Variants in PLCE1 observed in about 807,000 individuals in gnomAD.
PLCE1 encodes 1-phosphatidylinositol 4,5-bisphosphate phosphodiesterase epsilon-1.
Under a neutral mutation model 242.8 loss-of-function variants are expected in PLCE1, and 119 were observed. The observed-to-expected ratio is 0.49, with a 90% CI of 0.42 to 0.57. The LOEUF is 0.57. Among genes scored for constraint, PLCE1 ranks in the 20% least tolerant of loss-of-function variants. The pLI is 0.00. For synonymous variants in PLCE1, 945 were observed against 1,017.4 expected, an observed-to-expected ratio of 0.93 and a Z score of 1.35; for missense variants, 2,441 against 2,788.8, an observed-to-expected ratio of 0.88 and a Z score of 2.81.
At chr10:94,225,785 A>C (rs1439217369) in intron 4 of PLCE1, among the ~76,000 whole-genome samples, 2 of 152,242 alleles carry the variant, frequency 1.3e-5, no homozygotes, top group Admixed American at 1.3e-4. Flanking sequence ...ATGGGGTTGC[A>C]CTGCCCTCTG....
chr10:94,298,075 G>T lies in PLCE1; in HGVS notation c.5168-304G>T, dbSNP rs568046911. Among the ~76,000 whole-genome samples, 2 of 151,820 alleles carry T rather than the reference G, an allele frequency of 1.3e-5. No homozygotes were observed. Among genetic ancestry groups the T allele is most frequent in the Admixed American group, 1.3e-4 (2 of 15,242 alleles). On this transcript the variant is annotated intron_variant, in intron 23 of 32. Coordinates refer to ENST00000371380, the MANE Select transcript of PLCE1 (RefSeq NM_016341.4). The surrounding 1 kb of genome is among the most constrained non-coding windows in gnomAD (Gnocchi z 5.2). ...TATTTTTTTACTTTTTGTAGAGATGGGCTCTCACCATGTTGCCCAGGCTGG... is the reference window on the plus strand; with the variant it reads ...TATTTTTTTACTTTTTGTAGAGATGTGCTCTCACCATGTTGCCCAGGCTGG...
intron 7 of PLCE1, among the ~76,000 whole-genome samples, chr10:94,237,182 C>A (rs1392062908): frequency 2.0e-5 from 3 of 152,280 alleles, no homozygotes; most frequent in South Asian, 4.1e-4. Context: ...TTAAATCCTA[C>A]TGTTAAGGCT....
At chr10:94,015,285 T>G (rs2061256851) in intron 1 of PLCE1, among the ~76,000 whole-genome samples, 1 of 152,198 alleles carries the variant, frequency 6.6e-6, no homozygotes. Flanking sequence ...TCAAAGCTGC[T>G]TTATCTTAGC....
At chr10:94,198,204 C>T (rs2048885322) in intron 4 of PLCE1, among the ~76,000 whole-genome samples, 1 of 152,020 alleles carries the variant, frequency 6.6e-6, no homozygotes, top group African/African-American at 2.4e-5. Flanking sequence ...AGAGAGGGAT[C>T]AGCACTTAGG....
chr10:94,254,961 G>A lies in PLCE1; in HGVS notation c.3466G>A (p.Gly1156Arg). ...SRRAHSLTTA[G>R]SPNLAAGTSS... ...AAGAGCCCACTCTTTGACCACAGCT[G>A]GGTCCCCCAACTTGGCTGCCGGGAC... Residue 1156 changes from glycine to arginine, a missense_variant, in exon 11 of 33, where the codon GGG becomes AGG. This residue lies in a region of PLCE1 where 1,004 missense variants were observed against 1,322.7 expected (regional missense o/e 0.76). Coordinates refer to ENST00000371380, the MANE Select transcript of PLCE1 (RefSeq NM_016341.4). The A allele has an allele frequency of 6.2e-7, 1 of 1,614,052 alleles. No individual in the cohort carries two copies. Among genetic ancestry groups the A allele is most frequent in the Non-Finnish European group, 8.5e-7 (1 of 1,179,964 alleles).
chr10:94,195,751 A>G (rs1439861765), intron 4 of PLCE1, among the ~76,000 whole-genome samples: 1 of 152,168 alleles, frequency 6.6e-6, no homozygotes, highest in South Asian at 2.1e-4. Flanking sequence ...ATAACTCTGG[A>G]TATGAAATCC....
At chr10:94,037,006 A>C (rs757226721) in intron 2 of PLCE1, among the ~76,000 whole-genome samples, 6 of 152,224 alleles carry the variant, frequency 3.9e-5, no homozygotes, top group Middle Eastern at 3.2e-3. Flanking sequence ...AAAGAATAAA[A>C]ATGTAAAGAT....
chr10:94,289,330 C>T (rs1436201799), intron 22 of PLCE1, among the ~76,000 whole-genome samples: 3 of 152,204 alleles, frequency 2.0e-5, no homozygotes, highest in African/African-American at 7.2e-5. Flanking sequence ...CTCAGCTTCT[C>T]TCCTGATTTT....
intron 2 of PLCE1, among the ~76,000 whole-genome samples, chr10:94,063,131 T>G (rs1024514718): frequency 6.6e-6 from 1 of 152,156 alleles, no homozygotes; most frequent in Admixed American, 6.6e-5. Context: ...TCAGAACACC[T>G]CCTATGCTAT....
intron 28 of PLCE1, among the ~76,000 whole-genome samples, chr10:94,314,222 C>T (rs1266829843): frequency 1.3e-5 from 2 of 152,178 alleles, no homozygotes; most frequent in African/African-American, 4.8e-5. Context: ...TTCCTTTTTT[C>T]ACCACACCAG....
chr10:94,013,943 T>A (rs2061222932), intron 1 of PLCE1, among the ~76,000 whole-genome samples: 1 of 152,136 alleles, frequency 6.6e-6, no homozygotes, highest in African/African-American at 2.4e-5. Flanking sequence ...CTCTGTCCCA[T>A]GTCCATGGCC....
intron 11 of PLCE1, among the ~76,000 whole-genome samples, 189 bp from the exon 12 acceptor site, chr10:94,258,611 A>G (rs1388477609): frequency 6.6e-6 from 1 of 152,218 alleles, no homozygotes; most frequent in Non-Finnish European, 1.5e-5. Flanking sequence ...TTTCACATAG[A>G]ACATGTTTTA....
intron 24 of PLCE1, among the ~76,000 whole-genome samples, chr10:94,302,818 G>A (rs117912236): frequency 6.6e-6 from 1 of 152,304 alleles, no homozygotes; most frequent in East Asian, 1.9e-4. Context: ...ATGGTGTCTG[G>A]TCCTTAGTAA....
At chr10:94,201,636 C>T (rs1021981674) in intron 4 of PLCE1, among the ~76,000 whole-genome samples, 9 of 152,146 alleles carry the variant, frequency 5.9e-5, no homozygotes, top group African/African-American at 1.9e-4. Context: ...CCACCAAGCC[C>T]GGCTAATTTT....
intron 14 of PLCE1, among the ~76,000 whole-genome samples, chr10:94,264,086 C>A (rs933043228): frequency 1.3e-5 from 2 of 151,984 alleles, no homozygotes; most frequent in Non-Finnish European, 2.9e-5. Flanking sequence ...GAAGGTGAGG[C>A]AGACAACAAA....
At chr10:94,326,598 C>A (rs1326152764) in intron 32 of PLCE1, among the ~76,000 whole-genome samples, 1 of 152,114 alleles carries the variant, frequency 6.6e-6, no homozygotes, top group Non-Finnish European at 1.5e-5. Flanking sequence ...TACAAGATTA[C>A]TTCTTAAGTA....
At chr10:94,028,104 G>T (rs2061487276) in intron 1 of PLCE1, among the ~76,000 whole-genome samples, 1 of 152,168 alleles carries the variant, frequency 6.6e-6, no homozygotes, top group Non-Finnish European at 1.5e-5. Context: ...AATGTGGATA[G>T]CAGAAATTAT....
At chr10:94,118,965 T>C (rs997351264) in intron 2 of PLCE1, among the ~76,000 whole-genome samples, 8 of 152,158 alleles carry the variant, frequency 5.3e-5, no homozygotes, top group Non-Finnish European at 1.2e-4. Flanking sequence ...TCCACTGCTA[T>C]CTTACAAAAG....
At chr10:94,125,680 G>C (rs2046417548) in intron 2 of PLCE1, among the ~76,000 whole-genome samples, 1 of 152,016 alleles carries the variant, frequency 6.6e-6, no homozygotes. Flanking sequence ...TATTATTATT[G>C]AGTCAATGGA....
Sources: allele counts gnomAD v4.1 joint callset (sites outside exome capture counted in the v4.1 genomes callset), GRCh38; gene constraint gnomAD v4.1.1; regional missense constraint gnomAD v4.1.1; non-coding constraint Gnocchi (gnomAD v3.1); transcripts MANE v1.5; gene names NCBI Gene and HGNC (gene_info 2026-07-23, HGNC 2026-07-21).